CGNL1: variants seen among roughly 807,000 people sequenced by gnomAD.
CGNL1 encodes cingulin-like protein 1.
CGNL1 carries 132 observed loss-of-function variants against 141.2 expected under a neutral mutation model. The ratio of observed to expected loss-of-function variants is 0.93; its 90% CI spans 0.81 to 1.08. The LOEUF is 1.08. CGNL1 is among the 50% of genes least tolerant of loss of function. The pLI is 0.00. For synonymous variants in CGNL1, 690 were observed against 622.1 expected, an observed-to-expected ratio of 1.11 and a Z score of -1.63; for missense variants, 1,870 against 1,588.6, an observed-to-expected ratio of 1.18 and a Z score of -3.01.
chr15:57,450,419 GAC>G (rs1404403714), intron 4 of CGNL1, among the ~76,000 whole-genome samples: 6 of 152,170 alleles, frequency 3.9e-5, no homozygotes, highest in African/African-American at 1.2e-4. Context: ...TGGGACTACA[GAC>G]GTGTGCCACT....
intron 9 of CGNL1, among the ~76,000 whole-genome samples, chr15:57,517,934 G>T (rs2030945452): frequency 6.6e-6 from 1 of 152,038 alleles, no homozygotes; most frequent in East Asian, 1.9e-4. Flanking sequence ...AACTGTGTGT[G>T]TGGGGGTCCA....
intron 6 of CGNL1, among the ~76,000 whole-genome samples, 160 bp from the exon 7 acceptor site, chr15:57,453,523 C>T (rs1356274209): frequency 6.6e-6 from 1 of 152,158 alleles, no homozygotes; most frequent in East Asian, 1.9e-4. Flanking sequence ...TCTCAGCCAC[C>T]TTTTCAGGTT....
intron 7 of CGNL1, among the ~76,000 whole-genome samples, chr15:57,454,583 G>A (rs1170191178): frequency 6.6e-6 from 1 of 152,130 alleles, no homozygotes; most frequent in East Asian, 1.9e-4. Flanking sequence ...GCTCAGAGAT[G>A]AGTGACTCTG....
intron 8 of CGNL1, among the ~76,000 whole-genome samples, chr15:57,503,010 G>A (rs536971489): frequency 1.4e-4 from 22 of 152,304 alleles, no homozygotes; most frequent in African/African-American, 5.3e-4. Flanking sequence ...ACCAGGCATA[G>A]CATTTCATTA....
Position 57,392,868 on chromosome 15 carries a change from T to C in CGNL1, c.-16+16301T>C, listed in dbSNP as rs1395204278. 2.6e-5 allele frequency among the ~76,000 whole-genome samples: 4 copies of C among 152,166 alleles called. No homozygotes were observed. In the South Asian group the frequency reaches 6.2e-4, roughly 24 times the overall value. On this transcript the variant is annotated intron_variant, in intron 1 of 18. Coordinates refer to ENST00000281282, the MANE Select transcript of CGNL1 (RefSeq NM_032866.5). Reference sequence around the variant, plus strand: ...GGAAAAATAAAGTTCTTTGATACCCTGGACTAATACATAAAAAATTGTTAT... The same window carrying C: ...GGAAAAATAAAGTTCTTTGATACCCCGGACTAATACATAAAAAATTGTTAT...
At chr15:57,417,867 G>T (rs183170891) in intron 1 of CGNL1, among the ~76,000 whole-genome samples, 33 of 152,282 alleles carry the variant, frequency 2.2e-4, no homozygotes, top group Admixed American at 5.2e-4. Flanking sequence ...GTCTAGGGAG[G>T]TGTTTCCTGG....
At chr15:57,484,936 T>C (rs1430904969) in intron 8 of CGNL1, among the ~76,000 whole-genome samples, 1 of 151,682 alleles carries the variant, frequency 6.6e-6, no homozygotes, top group Non-Finnish European at 1.5e-5. Context: ...TTTTTTTTTT[T>C]CTATTTTTTT....
chr15:57,528,532 C>A, intron 12 of CGNL1, 122 bp from the exon 13 acceptor site: 1 of 941,304 alleles, frequency 1.1e-6, no homozygotes, highest in Non-Finnish European at 1.6e-6. Flanking sequence ...GTCTTCTGAT[C>A]TCCCATATTG....
At chr15:57,455,385 TTGGTTCTAAAAG>T (rs2063367025) in intron 7 of CGNL1, among the ~76,000 whole-genome samples, 1 of 152,340 alleles carries the variant, frequency 6.6e-6, no homozygotes, top group African/African-American at 2.4e-5. Flanking sequence ...GAACATTTTA[TTGGTTCTAAAAG>T]GGAAAGATGT....
In CGNL1 at chr15:57,507,128, A is replaced by T. The variant is rs140013551; in HGVS notation, c.2404-9652A>T. On this transcript the variant is annotated intron_variant, in intron 8 of 18. Transcript: ENST00000281282. ...AACCACTAGTCTACTTTCTGTCTGT[A>T]TGGATTTGCCTATTCTGGACATTTT... Among the ~76,000 whole-genome samples, 4 of 152,154 alleles carry T rather than the reference A, an allele frequency of 2.6e-5. No individual in the cohort carries two copies. The East Asian group carries it at 7.7e-4, about 29-fold the overall frequency.
At chr15:57,531,897 G>A in intron 14 of CGNL1, 118 bp downstream of exon 14, 1 of 661,712 alleles carries the variant, frequency 1.5e-6, no homozygotes, top group Middle Eastern at 3.0e-4. Context: ...TCTAGAAATT[G>A]ATGGAAGATT....
intron 14 of CGNL1, among the ~76,000 whole-genome samples, chr15:57,537,328 C>CT (rs1174337236): frequency 6.6e-6 from 1 of 152,156 alleles, no homozygotes; most frequent in Non-Finnish European, 1.5e-5. Flanking sequence ...TTGTGGGCTC[C>CT]TACAGTCACT....
At chr15:57,426,650 G>T (rs1466020060) in intron 1 of CGNL1, among the ~76,000 whole-genome samples, 1 of 147,524 alleles carries the variant, frequency 6.8e-6, no homozygotes, top group East Asian at 2.0e-4. Flanking sequence ...GTAGAGACAA[G>T]GTTTTGCCAT....
intron 8 of CGNL1, among the ~76,000 whole-genome samples, chr15:57,499,463 C>A (rs566418619): frequency 1.3e-5 from 2 of 152,112 alleles, no homozygotes; most frequent in East Asian, 3.9e-4. Context: ...GTCTGAAACT[C>A]CTGACCTCAA....
intron 8 of CGNL1, among the ~76,000 whole-genome samples, chr15:57,492,008 G>A (rs2063871143): frequency 6.6e-6 from 1 of 152,184 alleles, no homozygotes; most frequent in South Asian, 2.1e-4. Flanking sequence ...GTGGTATCCT[G>A]AATGGGATCA....
intron 1 of CGNL1, among the ~76,000 whole-genome samples, chr15:57,391,503 T>C (rs1706386): frequency 0.81 from 123,942 of 152,160 alleles, 50,559 homozygotes; most frequent in Admixed American, 0.84. Context: ...CACTCTCACA[T>C]GTGCTGAGTG....
intron 14 of CGNL1, 38 bp downstream of exon 14, chr15:57,531,817 G>T (rs373860381): frequency 1.5e-6 from 2 of 1,311,258 alleles, no homozygotes; most frequent in Non-Finnish European, 2.2e-6. Flanking sequence ...GGATTGTCCT[G>T]TGTGAAAAAG....
At chr15:57,427,363 C>G (rs912774006) in intron 1 of CGNL1, among the ~76,000 whole-genome samples, 1 of 152,140 alleles carries the variant, frequency 6.6e-6, no homozygotes, top group African/African-American at 2.4e-5. Context: ...TTTCTGTGGA[C>G]AAATACAGGT....
chr15:57,446,939 T>A (rs2063260336), intron 4 of CGNL1, among the ~76,000 whole-genome samples: 1 of 152,178 alleles, frequency 6.6e-6, no homozygotes, highest in African/African-American at 2.4e-5. Flanking sequence ...ACTGCCACTT[T>A]AGTAAGCCTT....
Sources: gnomAD v4.1 joint callset for allele counts (sites outside exome capture counted in the v4.1 genomes callset) on GRCh38, gnomAD v4.1.1 for gene constraint, MANE v1.5 for transcripts, NCBI Gene and HGNC (gene_info 2026-07-23, HGNC 2026-07-21) for gene names.